ADARB2: variants seen among roughly 807,000 people sequenced by gnomAD.
ADARB2 encodes the protein adenosine deaminase RNA specific B2 (inactive).
A neutral mutation model predicts 62.2 loss-of-function variants in ADARB2; 25 were observed. The observed-to-expected ratio is 0.40, with a 90% CI of 0.29 to 0.56. The LOEUF is 0.56. Among genes scored for constraint, ADARB2 ranks in the 20% least tolerant of loss-of-function variants. ADARB2 has a pLI of 0.43. For synonymous variants in ADARB2, 572 were observed against 500.8 expected, an observed-to-expected ratio of 1.14 and a Z score of -1.90; for missense variants, 1,071 against 1,077.4, an observed-to-expected ratio of 0.99 and a Z score of 0.08.
At chr10:1,676,784 A>AT (rs1275362992) in intron 1 of ADARB2, among the ~76,000 whole-genome samples, 2 of 33,008 alleles carry the variant, frequency 6.1e-5, no homozygotes, top group Non-Finnish European at 1.6e-4. Context: ...TATTCATTTT[A>AT]ATTTTTTTTA....
At chr10:1,232,979 G>A (rs1181205281) in intron 6 of ADARB2, among the ~76,000 whole-genome samples, 1 of 152,012 alleles carries the variant, frequency 6.6e-6, no homozygotes, top group African/African-American at 2.4e-5. Context: ...TATGCAGATA[G>A]CACTAAGCAA....
At chr10:1,234,416 C>G (rs1328950584) in intron 5 of ADARB2, among the ~76,000 whole-genome samples, 1 of 152,194 alleles carries the variant, frequency 6.6e-6, no homozygotes, top group Non-Finnish European at 1.5e-5. Flanking sequence ...TTACCCCCGC[C>G]TTGACATTTA....
At chr10:1,373,259 C>G (rs767121001) in intron 2 of ADARB2, among the ~76,000 whole-genome samples, 6 of 152,076 alleles carry the variant, frequency 3.9e-5, no homozygotes, top group Non-Finnish European at 8.8e-5. Context: ...CTGTGTCTCT[C>G]TCGGTCTTTG....
chr10:1,559,375 G>C (rs1465190064), intron 1 of ADARB2, among the ~76,000 whole-genome samples: 1 of 152,210 alleles, frequency 6.6e-6, no homozygotes, highest in Admixed American at 6.5e-5. Flanking sequence ...TGAGGTCGGA[G>C]TCTCTCTAAG....
intron 1 of ADARB2, among the ~76,000 whole-genome samples, chr10:1,639,574 G>C (rs113362353): frequency 0.011 from 1,655 of 152,366 alleles, 11 homozygotes; most frequent in Non-Finnish European, 0.017. Context: ...GCCGGGCGCA[G>C]TGGCTCACGC....
intron 1 of ADARB2, among the ~76,000 whole-genome samples, chr10:1,631,377 G>A (rs1035241219): frequency 5.9e-5 from 9 of 152,082 alleles, no homozygotes; most frequent in Admixed American, 5.2e-4. Context: ...AGGCTGCCTC[G>A]GGTTCCACTG....
chr10:1,336,009 A>G (rs1589196196), intron 3 of ADARB2, among the ~76,000 whole-genome samples: 2 of 152,268 alleles, frequency 1.3e-5, no homozygotes, highest in East Asian at 1.9e-4. Context: ...ATGTAAACAT[A>G]ATTAGCTCTT....
At chr10:1,409,229 G>A (rs533026276) in intron 1 of ADARB2, among the ~76,000 whole-genome samples, 2 of 151,384 alleles carry the variant, frequency 1.3e-5, no homozygotes, top group African/African-American at 2.4e-5. Flanking sequence ...TCGTCGCCCC[G>A]CCCTGCCTGA....
intron 3 of ADARB2, among the ~76,000 whole-genome samples, chr10:1,288,051 A>G (rs951695204): frequency 6.6e-6 from 1 of 152,242 alleles, no homozygotes; most frequent in Non-Finnish European, 1.5e-5. Flanking sequence ...CCTCTGGGTC[A>G]GCTCGTGCAC....
chr10:1,452,617 T>TGG (rs529884307), intron 1 of ADARB2, among the ~76,000 whole-genome samples: 16 of 20,770 alleles, frequency 7.7e-4, no homozygotes, highest in African/African-American at 1.8e-3. Context: ...ACACGGGGGT[T>TGG]GGGGGGGGGA....
rs561526296 is a variant in ADARB2 at position 1,180,361 on chromosome 10, G to A, written c.*2832C>T. 3.3e-5 allele frequency: 5 copies of A among 151,594 alleles called. No homozygotes were observed. The highest frequency in any genetic ancestry group is 7.4e-5 in the Non-Finnish European group (5 of 67,826). 9.4% of individuals were successfully genotyped at this position (151,594 alleles called of 1,614,324 possible). A position where few individuals can be genotyped will look rare whatever the true frequency, so the allele number is the denominator to read the frequency against. ...GTCTTCCAGGCACACCTGGGGCTGT[G>A]GGAATCCTGGGACTCGGCCCCCCCA... is the stretch of plus-strand genomic sequence containing the variant. On this transcript the variant is annotated 3_prime_UTR_variant, in exon 10 of 10. Transcript: ENST00000381312.
chr10:1,625,077 A>G (rs889674906), intron 1 of ADARB2, among the ~76,000 whole-genome samples: 2 of 152,242 alleles, frequency 1.3e-5, no homozygotes, highest in Non-Finnish European at 1.5e-5. Flanking sequence ...ATGTGAATTT[A>G]TCTGCATCTG....
chr10:1,357,291 A>T (rs1354453971), intron 3 of ADARB2, among the ~76,000 whole-genome samples: 1 of 152,156 alleles, frequency 6.6e-6, no homozygotes, highest in African/African-American at 2.4e-5. Context: ...AAAAATCGTT[A>T]GTGTCCCCAC....
chr10:1,656,531 GGA>G (rs35967442), intron 1 of ADARB2, among the ~76,000 whole-genome samples: 13 of 150,256 alleles, frequency 8.7e-5, no homozygotes, highest in Non-Finnish European at 1.2e-4. Context: ...AGAGAAAAAG[GGA>G]GAGAGAGAGA....
chr10:1,452,582 G>T (rs570354898), intron 1 of ADARB2, among the ~76,000 whole-genome samples: 38 of 149,640 alleles, frequency 2.5e-4, no homozygotes, highest in Non-Finnish European at 5.0e-4. Flanking sequence ...CTCGTAAGTG[G>T]GAGCTGAACA....
At chr10:1,666,104 C>T (rs1426095459) in intron 1 of ADARB2, among the ~76,000 whole-genome samples, 1 of 152,138 alleles carries the variant, frequency 6.6e-6, no homozygotes, top group Non-Finnish European at 1.5e-5. Context: ...TACTTAGGTG[C>T]CAATAACCCA....
intron 1 of ADARB2, among the ~76,000 whole-genome samples, chr10:1,491,140 A>C (rs193233241): frequency 6.6e-6 from 1 of 152,290 alleles, no homozygotes; most frequent in African/African-American, 2.4e-5. Context: ...TGGCATGATC[A>C]TGGCTCACAC....
intron 3 of ADARB2, among the ~76,000 whole-genome samples, chr10:1,281,742 C>T (rs1024136653): frequency 3.3e-5 from 5 of 152,192 alleles, no homozygotes; most frequent in Non-Finnish European, 7.3e-5. Flanking sequence ...CACTCCTAAG[C>T]CCAGGAAACT....
chr10:1,652,319 G>A lies in ADARB2; in HGVS notation c.100+84732C>T, dbSNP rs764281635. ...ACTGTGCACCGGCCCTGCTAGGGAC[G>A]TAGCAGTGACCAGGACTGCCAAGGC... On this transcript the variant is annotated intron_variant, in intron 1 of 9. Coordinates refer to ENST00000381312, the MANE Select transcript of ADARB2 (RefSeq NM_018702.4). Among the ~76,000 whole-genome samples the A allele has an allele frequency of 3.9e-5, 6 of 152,322 alleles. No individual in the cohort carries two copies. The East Asian group carries it at 7.7e-4, about 20-fold the overall frequency.
Sources: allele counts gnomAD v4.1 joint callset (sites outside exome capture counted in the v4.1 genomes callset), GRCh38; gene constraint gnomAD v4.1.1; transcripts MANE v1.5; gene names NCBI Gene and HGNC (gene_info 2026-07-23, HGNC 2026-07-21).